Variants in TIMP2 observed in about 807,000 individuals in gnomAD.
TIMP2 encodes the protein TIMP metallopeptidase inhibitor 2, also known as metalloproteinase inhibitor 2.
TIMP2 carries 5 observed loss-of-function variants against 24.3 expected under a neutral mutation model. The observed-to-expected ratio is 0.21, with a 90% CI of 0.11 to 0.43. The LOEUF (loss-of-function observed/expected upper bound fraction) is 0.43, where lower values mean the gene tolerates loss of function less well. TIMP2 is among the 20% of genes least tolerant of loss of function. The pLI is 1.00. For missense variants in TIMP2, 221 were observed against 297.5 expected (o/e 0.74, Z 1.89); for synonymous variants, 130 against 123.2 (o/e 1.06, Z -0.37).
At chr17:78,918,342 G>A (rs778284839) in intron 1 of TIMP2, among the ~76,000 whole-genome samples, 6 of 152,154 alleles carry the variant, frequency 3.9e-5, no homozygotes, top group Non-Finnish European at 7.3e-5. Flanking sequence ...GGGAATCATC[G>A]GGGCGGGGTC....
intron 3 of TIMP2, among the ~76,000 whole-genome samples, chr17:78,866,075 T>C (rs1450817431): frequency 6.6e-6 from 1 of 152,192 alleles, no homozygotes; most frequent in Non-Finnish European, 1.5e-5. Context: ...CTTTCTTGTC[T>C]CTCCAGATTT....
At chr17:78,885,897 C>CTA (rs1269658058) in intron 1 of TIMP2, among the ~76,000 whole-genome samples, 10 of 152,192 alleles carry the variant, frequency 6.6e-5, no homozygotes, top group African/African-American at 2.4e-4. Flanking sequence ...ACAGCCCTTT[C>CTA]TACCGCAGTC....
intron 1 of TIMP2, chr17:78,898,974 G>A (rs1336096782): frequency 6.6e-6 from 1 of 152,326 alleles, no homozygotes; most frequent in Non-Finnish European, 1.5e-5. Flanking sequence ...CTGACCTCAA[G>A]TGATCTGCCC....
chr17:78,860,614 G>A (rs2069560317), intron 3 of TIMP2, among the ~76,000 whole-genome samples: 1 of 152,184 alleles, frequency 6.6e-6, no homozygotes, highest in Non-Finnish European at 1.5e-5. Flanking sequence ...TTTATCTTCG[G>A]GTCCTTTTCT....
intron 1 of TIMP2, among the ~76,000 whole-genome samples, chr17:78,883,931 G>A (rs961564529): frequency 1.7e-4 from 26 of 152,306 alleles, no homozygotes; most frequent in Admixed American, 4.6e-4. Flanking sequence ...CAGAGCCTCC[G>A]GCTCGGCCCT....
At chr17:78,877,408 A>T (rs2069736999) in intron 1 of TIMP2, among the ~76,000 whole-genome samples, 1 of 152,042 alleles carries the variant, frequency 6.6e-6, no homozygotes, top group Admixed American at 6.6e-5. Context: ...GTGAAACCCC[A>T]TCTCTACAAA....
Position 78,856,076 on chromosome 17 carries a change from G to GC in TIMP2, c.466-213dup, listed in dbSNP as rs1389846303. The GC allele has an allele frequency of 2.5e-5, 15 of 590,556 alleles. No individual in the cohort carries two copies. The East Asian group carries it at 3.1e-4, about 12-fold the overall frequency. The allele number at this position is 590,556 out of a possible 1,614,324, so 36.6% of individuals were successfully genotyped here. A position where few individuals can be genotyped will look rare whatever the true frequency, so the allele number is the denominator to read the frequency against. ...GGGAAGCTGTGCCCTGCCCACCGCT[G>GC]CCCCCCCTCCTACTGCAGGTGTGCT... On this transcript the variant is annotated intron_variant, in intron 4 of 4. Coordinates refer to ENST00000262768, the MANE Select transcript of TIMP2 (RefSeq NM_003255.5).
chr17:78,891,807 A>C lies in TIMP2; in HGVS notation c.131-17888T>G, dbSNP rs1164512536. The C allele has an allele frequency of 6.4e-7, 1 of 1,550,714 alleles. No homozygotes were observed. The highest frequency in any genetic ancestry group is 1.4e-5 in the African/African-American group (1 of 73,012). ...TGGATGGCACAGCGGCCACCCCCAG[A>C]CTTGGTCGAAGGTTCTGGCCTTCCC... On this transcript the variant is annotated intron_variant, in intron 1 of 4. Transcript: ENST00000262768. The surrounding 1 kb of genome is among the most constrained non-coding windows in gnomAD (Gnocchi z 4.5).
At chr17:78,900,260 T>C (rs2070069643) in intron 1 of TIMP2, 1 of 152,150 alleles carries the variant, frequency 6.6e-6, no homozygotes, top group African/African-American at 2.4e-5. Context: ...ATTGTGGTTT[T>C]TTTGGCCGGG....
intron 1 of TIMP2, among the ~76,000 whole-genome samples, chr17:78,877,257 C>T (rs974832824): frequency 2.0e-5 from 3 of 152,224 alleles, no homozygotes; most frequent in Non-Finnish European, 4.4e-5. Flanking sequence ...TCAAAGTTTG[C>T]TCTTCATGTA....
chr17:78,917,251 CAAAAAAA>C (rs10592875), intron 1 of TIMP2, among the ~76,000 whole-genome samples: 1 of 77,454 alleles, frequency 1.3e-5, no homozygotes, highest in Admixed American at 1.7e-4. Context: ...GACTCCGTCT[CAAAAAAA>C]AAAAAAAAAA....
At chr17:78,877,905 A>G (rs2069742796) in intron 1 of TIMP2, among the ~76,000 whole-genome samples, 1 of 151,878 alleles carries the variant, frequency 6.6e-6, no homozygotes, top group African/African-American at 2.4e-5. Context: ...ACGGGGTTTC[A>G]CCATGCTGGC....
At position 78,870,338 on chromosome 17, in the gene TIMP2, C is replaced by T. The variant is rs372857109; in HGVS notation, c.340+560G>A. The stretch of plus-strand genomic sequence containing the variant: ...GGCTGAGGCAGGAGAATCGCTTGAA[C>T]CCAGGAGGTGGAGGTTGCAGTAAGC... On this transcript the variant is annotated intron_variant, in intron 3 of 4. Coordinates refer to ENST00000262768, the MANE Select transcript of TIMP2 (RefSeq NM_003255.5). Among the ~76,000 whole-genome samples the T allele has an allele frequency of 1.1e-4, 16 of 151,634 alleles. 3 individuals carry two copies. Among genetic ancestry groups the T allele is most frequent in the East Asian group, 3.9e-4 (2 of 5,138 alleles).
intron 1 of TIMP2, among the ~76,000 whole-genome samples, chr17:78,883,616 A>T (rs1332213450): frequency 1.3e-5 from 2 of 152,056 alleles, no homozygotes; most frequent in African/African-American, 4.8e-5. Context: ...CTGCCGCCCC[A>T]GGGAATGCTC....
chr17:78,868,512 C>A (rs12453469), intron 3 of TIMP2, among the ~76,000 whole-genome samples: 100,251 of 152,022 alleles, frequency 0.66, 33,807 homozygotes, highest in Admixed American at 0.74. Context: ...CAGCCTCCTA[C>A]ATTGCTGGGA....
At chr17:78,887,675 G>A (rs990987986) in intron 1 of TIMP2, among the ~76,000 whole-genome samples, 5 of 150,388 alleles carry the variant, frequency 3.3e-5, no homozygotes, top group South Asian at 2.1e-4. Flanking sequence ...ATGAGCAAAC[G>A]CGCCCAGCCT....
At chr17:78,882,840 G>C (rs1233701500) in intron 1 of TIMP2, among the ~76,000 whole-genome samples, 1 of 152,266 alleles carries the variant, frequency 6.6e-6, no homozygotes, top group East Asian at 1.9e-4. Flanking sequence ...GTGAGGGTTA[G>C]CTGGTCCAGC....
At position 78,891,543 on chromosome 17, in the gene TIMP2, C is replaced by A; in HGVS notation, c.131-17624G>T. On this transcript the variant is annotated intron_variant, in intron 1 of 4. Transcript: ENST00000262768. The surrounding 1 kb of genome is among the most constrained non-coding windows in gnomAD (Gnocchi z 4.5). The stretch of plus-strand genomic sequence containing the variant: ...CACTGAGATGCTGGGGACACGGCTT[C>A]CCTTCTGCAGCTGGAATCAGCTGGC... 6.4e-7 allele frequency: 1 copy of A among 1,551,006 alleles called. No individual in the cohort carries two copies. The highest frequency in any genetic ancestry group is 8.7e-7 in the Non-Finnish European group (1 of 1,147,092).
intron 1 of TIMP2, among the ~76,000 whole-genome samples, chr17:78,914,030 C>T (rs1599176644): frequency 6.6e-6 from 1 of 151,708 alleles, no homozygotes; most frequent in African/African-American, 2.4e-5. Context: ...GCATTTGGGA[C>T]GTGAATGGAG....
Sources: allele counts gnomAD v4.1 joint callset (sites outside exome capture counted in the v4.1 genomes callset), GRCh38; gene constraint gnomAD v4.1.1; non-coding constraint Gnocchi (gnomAD v3.1); transcripts MANE v1.5; gene names NCBI Gene and HGNC (gene_info 2026-07-23, HGNC 2026-07-21).